ATAD1: variants seen among roughly 807,000 people sequenced by gnomAD.
ATAD1 encodes outer mitochondrial transmembrane helix translocase.
A neutral mutation model predicts 42.7 loss-of-function variants in ATAD1; 18 were observed. That is an observed-to-expected ratio of 0.42 (90% CI 0.29 to 0.63). The LOEUF is 0.63. ATAD1 is among the 20% of genes least tolerant of loss of function. The probability of loss-of-function intolerance (pLI) is 0.19; values close to 1 mark genes in which losing one functional copy is unlikely to be tolerated. For missense variants in ATAD1, 294 were observed against 440.4 expected (o/e 0.67, Z 2.98); for synonymous variants, 132 against 143.1 (o/e 0.92, Z 0.55).
chr10:87,821,103 A>G (rs184053510), upstream of ATAD1, among the ~76,000 whole-genome samples: 5 of 152,284 alleles, frequency 3.3e-5, no homozygotes, highest in African/African-American at 1.2e-4. Context: ...AGTAACTCTT[A>G]AAATAGTTAT....
chr10:87,807,103 C>T (rs1856959639), intron 2 of ATAD1, among the ~76,000 whole-genome samples: 1 of 152,154 alleles, frequency 6.6e-6, no homozygotes, highest in Admixed American at 6.5e-5. Context: ...TGTTAATAAA[C>T]TTGTTTGTTT....
chr10:87,791,896 T>C lies in ATAD1; in HGVS notation c.261+761A>G, dbSNP rs146597076. 1.7e-3 allele frequency among the ~76,000 whole-genome samples: 254 copies of C among 152,312 alleles called. 1 individual carries two copies. The highest frequency in any genetic ancestry group is 2.7e-3 in the Non-Finnish European group (183 of 68,030). On this transcript the variant is annotated intron_variant, in intron 3 of 9. Coordinates refer to ENST00000680024, the MANE Select transcript of ATAD1 (RefSeq NM_001321967.2). ...AACTGAGACTCAAAGAGGAAATCAT[T>C]TGCCAAGGCCATTAATGGAAAACCT...
At chr10:87,771,564 T>C (rs1046734417) in intron 6 of ATAD1, among the ~76,000 whole-genome samples, 4 of 152,134 alleles carry the variant, frequency 2.6e-5, no homozygotes, top group African/African-American at 7.2e-5. Flanking sequence ...CACATCATCA[T>C]CTCATGGTAC....
chr10:87,804,796 C>G (rs561595820), intron 2 of ATAD1, among the ~76,000 whole-genome samples: 2 of 152,164 alleles, frequency 1.3e-5, no homozygotes, highest in Non-Finnish European at 2.9e-5. Context: ...CCCACCCTTT[C>G]ATCAAAAACA....
At chr10:87,755,922 T>C (rs191318658) in intron 9 of ATAD1, among the ~76,000 whole-genome samples, 1 of 152,138 alleles carries the variant, frequency 6.6e-6, no homozygotes, top group East Asian at 1.9e-4. Context: ...ATAAAACCTT[T>C]GGAAGGTAGA....
intron 2 of ATAD1, among the ~76,000 whole-genome samples, chr10:87,804,198 A>C (rs956287976): frequency 6.6e-5 from 10 of 152,194 alleles, no homozygotes; most frequent in African/African-American, 2.4e-4. Context: ...ACTTCTCTCA[A>C]AATAACAGAA....
At chr10:87,818,250 C>T (rs889783216), upstream of ATAD1, 8 of 985,358 alleles carry the variant, frequency 8.1e-6, no homozygotes, top group African/African-American at 1.7e-5. Context: ...ACGCTTCCGG[C>T]GGGAGGCGCG....
upstream of ATAD1, among the ~76,000 whole-genome samples, chr10:87,821,956 C>A (rs1049123236): frequency 6.6e-6 from 1 of 152,172 alleles, no homozygotes; most frequent in African/African-American, 2.4e-5. Flanking sequence ...CTACCTTAGC[C>A]TAAAAGGCCT....
intron 2 of ATAD1, among the ~76,000 whole-genome samples, chr10:87,812,967 A>T (rs1589556941): frequency 6.6e-6 from 1 of 152,348 alleles, no homozygotes; most frequent in Middle Eastern, 3.4e-3. Flanking sequence ...CAACTGGGAT[A>T]TGCTACTTAC....
At chr10:87,769,329 C>T (rs1854919543) in intron 7 of ATAD1, among the ~76,000 whole-genome samples, 1 of 152,204 alleles carries the variant, frequency 6.6e-6, no homozygotes, top group African/African-American at 2.4e-5. Context: ...ACCCTCAGAA[C>T]TCACCATTAA....
intron 1 of ATAD1, 54 bp from the exon 2 acceptor site, chr10:87,814,666 G>A: frequency 2.3e-6 from 3 of 1,302,540 alleles, no homozygotes; most frequent in Non-Finnish European, 3.0e-6. Context: ...TATTAAAATT[G>A]TAAGACTAAC....
At position 87,791,013 on chromosome 10, in the gene ATAD1, C is replaced by T. The variant is rs1371811287; in HGVS notation, c.262-583G>A. ...AGCCTGGCCAACATGGTTGAAACCC[C>T]GTCTCTACTAAAATTACAAAAAAAA... On this transcript the variant is annotated intron_variant, in intron 3 of 9. Transcript: ENST00000680024. 1.7e-4 allele frequency among the ~76,000 whole-genome samples: 24 copies of T among 138,066 alleles called. 1 individual carries two copies. The highest frequency in any genetic ancestry group is 6.5e-4 in the African/African-American group (23 of 35,512). 90.6% of individuals were successfully genotyped at this position (138,066 alleles called of 152,430 possible).
At chr10:87,772,260 A>G (rs1434022562) in intron 6 of ATAD1, among the ~76,000 whole-genome samples, 1 of 151,546 alleles carries the variant, frequency 6.6e-6, no homozygotes, top group Non-Finnish European at 1.5e-5. Flanking sequence ...CTACAGGCAC[A>G]TGCCACTGTG....
At chr10:87,821,962 G>A (rs1857639597), upstream of ATAD1, among the ~76,000 whole-genome samples, 1 of 152,150 alleles carries the variant, frequency 6.6e-6, no homozygotes. Context: ...TAGCCTAAAA[G>A]GCCTATCTGG....
intron 6 of ATAD1, among the ~76,000 whole-genome samples, chr10:87,774,378 T>C (rs931635683): frequency 6.6e-6 from 1 of 152,182 alleles, no homozygotes; most frequent in Non-Finnish European, 1.5e-5. Flanking sequence ...AGAGTGATTA[T>C]AAAATTTGGC....
chr10:87,756,953 A>G (rs1854250384), intron 8 of ATAD1, 31 bp from the exon 9 acceptor site: 1 of 1,551,876 alleles, frequency 6.4e-7, no homozygotes, highest in Non-Finnish European at 8.7e-7. Flanking sequence ...TGCTTAAAAA[A>G]CAAAAATAAA....
intron 6 of ATAD1, 79 bp from the exon 7 acceptor site, chr10:87,771,120 T>C: frequency 9.3e-7 from 1 of 1,079,848 alleles, no homozygotes; most frequent in Admixed American, 2.3e-5. Context: ...GGGCTTAGTT[T>C]TAAAAATTAA....
chr10:87,758,915 A>G (rs929217439), intron 8 of ATAD1, among the ~76,000 whole-genome samples: 7 of 152,164 alleles, frequency 4.6e-5, no homozygotes, highest in African/African-American at 1.7e-4. Flanking sequence ...CACATCAGTG[A>G]GTTCTTAGGA....
chr10:87,774,222 A>G (rs1855184891), intron 6 of ATAD1, among the ~76,000 whole-genome samples: 2 of 152,252 alleles, frequency 1.3e-5, no homozygotes, highest in Admixed American at 6.5e-5. Flanking sequence ...AAATAAATTA[A>G]TCTACAATTT....
Sources: gnomAD v4.1 joint callset for allele counts (sites outside exome capture counted in the v4.1 genomes callset) on GRCh38, gnomAD v4.1.1 for gene constraint, MANE v1.5 for transcripts, NCBI Gene and HGNC (gene_info 2026-07-23, HGNC 2026-07-21) for gene names.